The following PCSK5 variants were observed in gnomAD, a reference collection of about 807,000 sequenced individuals.
PCSK5 encodes the protein prohormone convertase 5.
A neutral mutation model predicts 233.2 loss-of-function variants in PCSK5; 129 were observed. The observed-to-expected ratio is 0.55, with a 90% CI of 0.48 to 0.64. PCSK5 has a LOEUF of 0.64. PCSK5 is among the 30% of genes least tolerant of loss of function. The probability of loss-of-function intolerance (pLI) is 0.00; values close to 1 mark genes in which losing one functional copy is unlikely to be tolerated. For missense variants in PCSK5, 2,076 were observed against 2,430.1 expected, an observed-to-expected ratio of 0.85 and a Z score of 3.06; for synonymous variants, 825 against 879.2, an observed-to-expected ratio of 0.94 and a Z score of 1.09.
At chr9:75,957,702 G>A (rs1825155532) in intron 2 of PCSK5, among the ~76,000 whole-genome samples, 1 of 152,054 alleles carries the variant, frequency 6.6e-6, no homozygotes, top group Non-Finnish European at 1.5e-5. Flanking sequence ...TAGCCATTTT[G>A]TTTTCTAATC....
intron 5 of PCSK5, among the ~76,000 whole-genome samples, chr9:76,032,036 G>A (rs548156653): frequency 4.6e-5 from 7 of 152,210 alleles, no homozygotes; most frequent in Admixed American, 1.3e-4. Flanking sequence ...GCTCTTTTCC[G>A]TCTACAGTAA....
chr9:76,031,424 C>G (rs1342989116), intron 5 of PCSK5, among the ~76,000 whole-genome samples: 1 of 152,184 alleles, frequency 6.6e-6, no homozygotes, highest in Non-Finnish European at 1.5e-5. Context: ...CACAGTGACT[C>G]ACACCTGTAT....
intron 36 of PCSK5, among the ~76,000 whole-genome samples, chr9:76,353,073 G>C (rs1338147473): frequency 6.6e-6 from 1 of 152,070 alleles, no homozygotes; most frequent in African/African-American, 2.4e-5. Context: ...TAAACCTGAA[G>C]GATGAGATAA....
intron 3 of PCSK5, among the ~76,000 whole-genome samples, chr9:75,996,034 A>G (rs1328057104): frequency 6.6e-6 from 1 of 152,158 alleles, no homozygotes. Flanking sequence ...CTATTTAGGG[A>G]ACCAAATATG....
chr9:75,979,309 A>AC (rs1826169486), intron 2 of PCSK5, among the ~76,000 whole-genome samples: 1 of 151,888 alleles, frequency 6.6e-6, no homozygotes, highest in South Asian at 2.1e-4. Flanking sequence ...CAAGGGTACT[A>AC]CCTCCAGATC....
rs189479533 is a variant in PCSK5, at chr9:76,063,173, C to T, written c.633-4782C>T. ...TTTTTGAGACAGGGTCTTGCTCTGT[C>T]AGCCAGCCTGGAGTGCAGTGGCATG... On this transcript the variant is annotated intron_variant, in intron 5 of 37. Coordinates refer to ENST00000674117, the MANE Select transcript of PCSK5 (RefSeq NM_001372043.1). Among the ~76,000 whole-genome samples the T allele has an allele frequency of 3.7e-3, 554 of 150,900 alleles. 5 individuals are homozygous for T. The highest frequency in any genetic ancestry group is 0.023 in the South Asian group (109 of 4,730).
At position 76,175,084 on chromosome 9, in the gene PCSK5, C is replaced by T; in HGVS notation, c.1855C>T (p.Arg619Ter). ...FPKVERFRYS[R>*]VEDPTDDYGT... ...GAAAGTGGAACGGTTCCGCTATAGC[C>T]GAGTTGAAGACCCCACAGACGACTA... is the stretch of plus-strand genomic sequence containing the variant. The change falls in exon 14 of 38, where the codon CGA (arginine) becomes TGA (stop). Residue 619 changes from arginine to a stop codon, truncating the protein, a stop_gained. Coordinates refer to ENST00000674117, the MANE Select transcript of PCSK5 (RefSeq NM_001372043.1). LOFTEE classifies it high-confidence loss of function. The T allele has an allele frequency of 1.2e-6, 2 of 1,614,124 alleles. No homozygotes were observed. The highest frequency in any genetic ancestry group is 1.1e-5 in the South Asian group (1 of 91,074).
intron 9 of PCSK5, among the ~76,000 whole-genome samples, chr9:76,120,191 C>T (rs1263447880): frequency 6.6e-6 from 1 of 152,058 alleles, no homozygotes; most frequent in Admixed American, 6.5e-5. Flanking sequence ...CTATCTCCTC[C>T]AAAAGCAGTT....
At chr9:76,348,883 T>C (rs1830044939) in intron 35 of PCSK5, among the ~76,000 whole-genome samples, 1 of 151,986 alleles carries the variant, frequency 6.6e-6, no homozygotes, top group Non-Finnish European at 1.5e-5. Flanking sequence ...CACATTAAAG[T>C]GAGAACATGT....
At chr9:76,038,224 C>A (rs1038352061) in intron 5 of PCSK5, among the ~76,000 whole-genome samples, 1 of 152,196 alleles carries the variant, frequency 6.6e-6, no homozygotes, top group Non-Finnish European at 1.5e-5. Context: ...TCCGCCCCGA[C>A]AAGTATCAGG....
At chr9:76,125,231 C>T (rs1832799205) in intron 9 of PCSK5, among the ~76,000 whole-genome samples, 1 of 152,148 alleles carries the variant, frequency 6.6e-6, no homozygotes, top group East Asian at 1.9e-4. Context: ...AGGGATAAAC[C>T]TCCCTGTCCG....
intron 24 of PCSK5, among the ~76,000 whole-genome samples, chr9:76,275,712 A>T (rs1431510655): frequency 6.6e-6 from 1 of 152,206 alleles, no homozygotes; most frequent in Non-Finnish European, 1.5e-5. Context: ...GGCATTAGCC[A>T]CTGTGCCTGG....
chr9:76,198,162 C>G (rs1343875829), intron 20 of PCSK5, among the ~76,000 whole-genome samples: 2 of 152,154 alleles, frequency 1.3e-5, no homozygotes, highest in Non-Finnish European at 2.9e-5. Flanking sequence ...CTCCAAGGGA[C>G]TTACAAGGAC....
chr9:76,170,224 T>TAGTTTTCCCTAAATTTACTTTTC (rs80028919), intron 13 of PCSK5, among the ~76,000 whole-genome samples: 11,532 of 152,066 alleles, frequency 0.076, 645 homozygotes, highest in East Asian at 0.25. Context: ...TATTTCTTTT[T>TAGTTTTCCCTAAATTTACTTTTC]AGTTTTCCCT....
intron 9 of PCSK5, among the ~76,000 whole-genome samples, chr9:76,121,912 C>A (rs1419193916): frequency 4.1e-5 from 2 of 48,290 alleles, no homozygotes; most frequent in Non-Finnish European, 1.1e-4. Flanking sequence ...CAAGCTCCGC[C>A]TCCCGGGTTC....
At chr9:76,044,721 C>T (rs971872936) in intron 5 of PCSK5, among the ~76,000 whole-genome samples, 6 of 152,180 alleles carry the variant, frequency 3.9e-5, no homozygotes, top group African/African-American at 1.4e-4. Context: ...GAATTATTGA[C>T]ATTTTTTCAT....
intron 33 of PCSK5, 48 bp from the exon 34 acceptor site, chr9:76,332,385 C>T (rs142098975): frequency 2.1e-6 from 3 of 1,437,280 alleles, no homozygotes; most frequent in African/African-American, 1.4e-5. Flanking sequence ...ACAGGGGAGA[C>T]ATGTGTCATG....
chr9:76,195,044 A>C (rs1824622910), intron 20 of PCSK5: 2 of 170,478 alleles, frequency 1.2e-5, no homozygotes, highest in South Asian at 2.6e-4. Context: ...AATAATAAGT[A>C]AATAGTCTGA....
At chr9:76,282,584 T>G (rs1324050810) in intron 24 of PCSK5, among the ~76,000 whole-genome samples, 2 of 152,104 alleles carry the variant, frequency 1.3e-5, no homozygotes, top group African/African-American at 4.8e-5. Flanking sequence ...TCCCAAAGTG[T>G]TGGGATTACA....
Sources: gnomAD v4.1 joint callset for allele counts (sites outside exome capture counted in the v4.1 genomes callset) on GRCh38, gnomAD v4.1.1 for gene constraint, MANE v1.5 for transcripts, NCBI Gene and HGNC (gene_info 2026-07-23, HGNC 2026-07-21) for gene names.